C1QTNF1: variants seen among roughly 807,000 people sequenced by gnomAD.
C1QTNF1 encodes the protein C1q and TNF related 1.
C1QTNF1 carries 22 observed loss-of-function variants against 27.8 expected under a neutral mutation model. The ratio of observed to expected loss-of-function variants is 0.79; its 90% CI spans 0.56 to 1.13. C1QTNF1 has a LOEUF of 1.13. C1QTNF1 is among the 50% of genes most tolerant of loss of function. The pLI is 0.00. For synonymous variants in C1QTNF1, 166 were observed against 154.3 expected (o/e 1.08, Z -0.56); for missense variants, 373 against 380.2 (o/e 0.98, Z 0.16).
rs1163869657 is a variant in C1QTNF1 at position 79,046,639 on chromosome 17, T to G, written c.240T>G (p.Gly80=). 6.2e-7 allele frequency: 1 copy of G among 1,614,088 alleles called. No homozygotes were observed. The highest frequency in any genetic ancestry group is 8.5e-7 in the Non-Finnish European group (1 of 1,180,036). Residue 80 remains glycine, a synonymous_variant, in exon 3 of 4, where the codon GGT becomes GGG. Coordinates refer to ENST00000579760, the MANE Select transcript of C1QTNF1 (RefSeq NM_030968.5). The surrounding 1 kb of genome is among the most constrained non-coding windows in gnomAD (Gnocchi z 4.8). ...GGTGCTTGCGCTGCTGTGACCCCGG[T>G]ACCTCCATGTACCCGGCGACCGCCG... ...ASRCLRCCDP[G]TSMYPATAVP...
chr17:79,025,965 C>T (rs563608200), intron 1 of C1QTNF1: 18 of 421,616 alleles, frequency 4.3e-5, no homozygotes, highest in East Asian at 2.1e-4. Context: ...ACATGGCAGG[C>T]GCTCAACATT....
chr17:79,047,657 G>C lies in C1QTNF1; in HGVS notation c.415G>C (p.Glu139Gln). ...GAAGGGCTCCATGGGGGCCCCTGGG[G>C]AGCGGTGCAAGAGCCACTACGCCGC... The part of the protein sequence containing the change: ...GQKGSMGAPG[E>Q]RCKSHYAAFS... Residue 139 changes from glutamate (E) to glutamine (Q), a missense_variant, in exon 4 of 4, where the codon GAG (glutamate) becomes CAG (glutamine). By Grantham distance (29) the Glu-to-Gln change is conservative (BLOSUM62 2). Coordinates refer to ENST00000579760, the MANE Select transcript of C1QTNF1 (RefSeq NM_030968.5). 1 of 1,611,184 alleles carries C rather than the reference G, an allele frequency of 6.2e-7. No individual in the cohort carries two copies. Among genetic ancestry groups the C allele is most frequent in the Non-Finnish European group, 8.5e-7 (1 of 1,177,798 alleles).
At position 79,047,915 on chromosome 17, in the gene C1QTNF1, G is replaced by A. The variant is rs1279259111; in HGVS notation, c.673G>A (p.Val225Met). ...GGAGGTGGTGATCTTGTTCGCGCAG[G>A]TGGGCGACCGCAGCATCATGCAAAG... ...EEEVVILFAQ[V>M]GDRSIMQSQS... The change falls in exon 4 of 4, where the codon GTG (valine) becomes ATG (methionine). Residue 225 changes from valine (V) to methionine (M), a missense_variant. Physicochemically the swap from Val to Met is conservative, Grantham distance 21 (BLOSUM62 1). Transcript: ENST00000579760. The A allele has an allele frequency of 3.1e-6, 5 of 1,613,978 alleles. No individual in the cohort carries two copies. Among genetic ancestry groups the A allele is most frequent in the Non-Finnish European group, 4.2e-6 (5 of 1,180,016 alleles).
chr17:79,037,232 C>T (rs1222396540), intron 1 of C1QTNF1, among the ~76,000 whole-genome samples: 2 of 152,248 alleles, frequency 1.3e-5, no homozygotes, highest in South Asian at 4.1e-4. Flanking sequence ...CTGGTTCAAG[C>T]GATTCTCCTG....
chr17:79,029,522 C>T (rs1188823862), intron 1 of C1QTNF1, among the ~76,000 whole-genome samples: 1 of 152,182 alleles, frequency 6.6e-6, no homozygotes, highest in Non-Finnish European at 1.5e-5. Context: ...GTCTGGCTCT[C>T]AGTGGTGGCT....
intron 1 of C1QTNF1, among the ~76,000 whole-genome samples, chr17:79,042,299 G>A (rs991175265): frequency 7.2e-5 from 11 of 152,384 alleles, no homozygotes; most frequent in African/African-American, 2.6e-4. Flanking sequence ...AGGGTGGCAG[G>A]TGGGCGTTCG....
intron 1 of C1QTNF1, chr17:79,043,648 G>A: frequency 2.0e-6 from 1 of 512,622 alleles, no homozygotes; most frequent in East Asian, 5.2e-5. Flanking sequence ...GTGAGTGTAT[G>A]TGACTGTGTG....
chr17:79,037,451 A>T (rs956838303), intron 1 of C1QTNF1, among the ~76,000 whole-genome samples: 1 of 150,902 alleles, frequency 6.6e-6, no homozygotes, highest in Non-Finnish European at 1.5e-5. Context: ...TTTACTAGAG[A>T]CAGGGATTTG....
intron 1 of C1QTNF1, among the ~76,000 whole-genome samples, chr17:79,030,529 C>CTTTCTTTCTTTCTTTCTTT (rs67155586): frequency 1.7e-5 from 1 of 59,866 alleles, no homozygotes; most frequent in Non-Finnish European, 4.0e-5. Flanking sequence ...TTCTTTCTTT[C>CTTTCTTTCTTTCTTTCTTT]TTCTTTCTTT....
intron 1 of C1QTNF1, among the ~76,000 whole-genome samples, chr17:79,041,003 G>A (rs2072392474): frequency 6.6e-6 from 1 of 151,904 alleles, no homozygotes; most frequent in South Asian, 2.1e-4. Flanking sequence ...GAGGATTGTG[G>A]GGCCATCCGT....
chr17:79,043,734 C>CAT lies in C1QTNF1; in HGVS notation c.-14-221_-14-220insAT, dbSNP rs1555671977. The CAT allele has an allele frequency of 3.5e-5, 23 of 652,048 alleles. 1 individual carries two copies. Among genetic ancestry groups the CAT allele is most frequent in the African/African-American group, 2.5e-4 (14 of 55,904 alleles). The allele number at this position is 652,048 out of a possible 1,614,324, so 40.4% of individuals were successfully genotyped here. A position where few individuals can be genotyped will look rare whatever the true frequency, so the allele number is the denominator to read the frequency against. ...ATGTATGTGAATGTGTGTGCATGTGCGTGTGTGCACGTGAGTGCGTCGTGA... is the reference window on the plus strand; with the variant it reads ...ATGTATGTGAATGTGTGTGCATGTGCATGTGTGTGCACGTGAGTGCGTCGTGA... On this transcript the variant is annotated intron_variant, in intron 1 of 3. Coordinates refer to ENST00000579760, the MANE Select transcript of C1QTNF1 (RefSeq NM_030968.5).
rs892613442 is a variant in C1QTNF1, at chr17:79,047,066, C to T, written c.295+372C>T. The stretch of plus-strand genomic sequence containing the variant: ...CACCTGCTCGCTCCGGTCCTGCACA[C>T]GGCAGATAACCCTGCACAGCCCCGT... On this transcript the variant is annotated intron_variant, in intron 3 of 3. Transcript: ENST00000579760. 2.1e-5 allele frequency: 6 copies of T among 282,682 alleles called. No individual in the cohort carries two copies. In the South Asian group the frequency reaches 2.2e-4, roughly 10 times the overall value. The allele number at this position is 282,682 out of a possible 1,614,324, so 17.5% of individuals were successfully genotyped here.
chr17:79,043,771 C>T, intron 1 of C1QTNF1, 184 bp from the exon 2 acceptor site: 1 of 711,772 alleles, frequency 1.4e-6, no homozygotes, highest in East Asian at 2.7e-5. Context: ...TGCGTGTATG[C>T]ATGCATGGGT....
At chr17:79,043,334 C>A in intron 1 of C1QTNF1, 1 of 448,362 alleles carries the variant, frequency 2.2e-6, no homozygotes, top group South Asian at 1.6e-5. Context: ...GTGTTGAGTG[C>A]ATGTGAGCAT....
intron 3 of C1QTNF1, 98 bp from the exon 4 acceptor site, chr17:79,047,440 G>C: frequency 8.0e-7 from 1 of 1,255,300 alleles, no homozygotes; most frequent in Non-Finnish European, 1.1e-6. Context: ...CTGTGAGGAC[G>C]AATCAGGACA....
intron 1 of C1QTNF1, among the ~76,000 whole-genome samples, chr17:79,030,489 C>CTTTCT (rs1882807377): frequency 3.2e-5 from 2 of 62,238 alleles, no homozygotes; most frequent in South Asian, 1.2e-3. Context: ...CTTTCTTTTT[C>CTTTCT]TTTCTTTCTT....
At chr17:79,023,535 G>T (rs75865037), upstream of C1QTNF1, among the ~76,000 whole-genome samples, 5 of 152,356 alleles carry the variant, frequency 3.3e-5, no homozygotes, top group East Asian at 7.7e-4. Context: ...GCCTGATAGA[G>T]ACTGAGGAGT....
At chr17:79,023,539 G>T (rs932187712), upstream of C1QTNF1, among the ~76,000 whole-genome samples, 1 of 152,240 alleles carries the variant, frequency 6.6e-6, no homozygotes, top group Non-Finnish European at 1.5e-5. Flanking sequence ...GATAGAGACT[G>T]AGGAGTGCTT....
Position 79,046,785 on chromosome 17 carries a change from G to T in C1QTNF1, c.295+91G>T. The stretch of plus-strand genomic sequence containing the variant: ...TGGAGTCGTTAGGGTGGGGCTAGGC[G>T]AGAGCAGAATGGCTCCCTCGGGACA... On this transcript the variant is annotated intron_variant, in intron 3 of 3. Coordinates refer to ENST00000579760, the MANE Select transcript of C1QTNF1 (RefSeq NM_030968.5). The surrounding 1 kb of genome is among the most constrained non-coding windows in gnomAD (Gnocchi z 4.8). 2 of 1,529,800 alleles carry T rather than the reference G, an allele frequency of 1.3e-6. No homozygotes were observed. Among genetic ancestry groups the T allele is most frequent in the South Asian group, 1.2e-5 (1 of 84,960 alleles). 94.8% of individuals were successfully genotyped at this position (1,529,800 alleles called of 1,614,324 possible).
Sources: gnomAD v4.1 joint callset for allele counts (sites outside exome capture counted in the v4.1 genomes callset) on GRCh38, gnomAD v4.1.1 for gene constraint, Gnocchi (gnomAD v3.1) non-coding constraint, MANE v1.5 for transcripts, NCBI Gene and HGNC (gene_info 2026-07-23, HGNC 2026-07-21) for gene names.